RFC3: variants seen among roughly 807,000 people sequenced by gnomAD.
RFC3 encodes the protein A1 38 kDa subunit.
In RFC3, 41 loss-of-function variants were observed where a neutral mutation model predicts 45.1. The observed-to-expected ratio is 0.91, with a 90% CI of 0.71 to 1.18. RFC3 has a LOEUF of 1.18. Ranked by LOEUF, RFC3 falls within the 50% of genes most tolerant of loss-of-function variation. The pLI is 0.00. For synonymous variants in RFC3, 149 were observed against 144.0 expected (o/e 1.03, Z -0.25); for missense variants, 423 against 428.1 (o/e 0.99, Z 0.10).
At chr13:33,867,161 A>G (rs1214219313) in intron 8 of RFC3, among the ~76,000 whole-genome samples, 1 of 152,238 alleles carries the variant, frequency 6.6e-6, no homozygotes, top group Non-Finnish European at 1.5e-5. Context: ...AGTTAGCTTT[A>G]TAGAATAGTG....
At chr13:33,950,541 A>G (rs923500324) in intron 8 of RFC3, among the ~76,000 whole-genome samples, 2 of 152,216 alleles carry the variant, frequency 1.3e-5, no homozygotes, top group African/African-American at 4.8e-5. Context: ...CAAAATTTCT[A>G]AGTTTCTAAC....
At chr13:33,875,628 C>T (rs1403043029) in intron 8 of RFC3, among the ~76,000 whole-genome samples, 5 of 152,158 alleles carry the variant, frequency 3.3e-5, no homozygotes, top group Non-Finnish European at 5.9e-5. Flanking sequence ...CACTTGCCTA[C>T]TTGAAAGGTC....
chr13:33,945,424 G>A (rs1232274829), intron 8 of RFC3, among the ~76,000 whole-genome samples: 1 of 152,114 alleles, frequency 6.6e-6, no homozygotes, highest in African/African-American at 2.4e-5. Context: ...AAACACAATA[G>A]TAACAAACTT....
intron 8 of RFC3, among the ~76,000 whole-genome samples, chr13:33,913,843 C>T (rs751400112): frequency 1.1e-4 from 17 of 152,080 alleles, no homozygotes; most frequent in Non-Finnish European, 1.6e-4. Context: ...GACAGCCACA[C>T]CCATTCACAT....
intron 8 of RFC3, among the ~76,000 whole-genome samples, chr13:33,927,879 A>G (rs1327373219): frequency 1.3e-5 from 2 of 152,092 alleles, no homozygotes; most frequent in Admixed American, 6.6e-5. Flanking sequence ...GGAGTTTCAG[A>G]TGAGAAAGAC....
At chr13:33,932,551 C>T (rs2082859360) in intron 8 of RFC3, among the ~76,000 whole-genome samples, 1 of 151,934 alleles carries the variant, frequency 6.6e-6, no homozygotes, top group Non-Finnish European at 1.5e-5. Context: ...TGCTTTTTAT[C>T]AGCAATATGA....
At position 33,914,429 on chromosome 13, in the gene RFC3, CCAA is replaced by C. The variant is rs1172239934; in HGVS notation, c.880-51657_880-51655del. 3.2e-4 allele frequency among the ~76,000 whole-genome samples: 49 copies of C among 152,194 alleles called. 1 individual carries two copies. Among genetic ancestry groups the C allele is most frequent in the Admixed American group, 2.6e-4 (4 of 15,274 alleles). ...TTCCTCCACTTTGCTCCTAAAAAGT[CCAA>C]ACTACCAGAAAAATGTAGAAGTGGG... On this transcript the variant is annotated intron_variant, in intron 8 of 8. Coordinates refer to the RFC3 transcript ENST00000434425.
chr13:33,836,193 G>A lies in RFC3; in HGVS notation c.969G>A (p.Gln323=). Residue 323 remains glutamine (Q), a synonymous_variant, in exon 9 of 9, where the codon CAG becomes CAA. Coordinates refer to ENST00000380071, the MANE Select transcript of RFC3 (RefSeq NM_002915.4). ...QMAAYYEHRL[Q]LGSKAIYHLE... ...CAGCTTACTATGAGCATCGTCTACA[G>A]CTGGGTAGCAAAGCCATTTATCACT... 1 of 1,613,556 alleles carries A rather than the reference G, an allele frequency of 6.2e-7. No homozygotes were observed. The highest frequency in any genetic ancestry group is 8.5e-7 in the Non-Finnish European group (1 of 1,179,574).
chr13:33,909,645 A>G (rs2082692565), intron 8 of RFC3, among the ~76,000 whole-genome samples: 1 of 151,974 alleles, frequency 6.6e-6, no homozygotes, highest in Admixed American at 6.6e-5. Flanking sequence ...AACTTAATAA[A>G]TAGGTTGCCC....
At chr13:33,834,580 A>T (rs1221422728) in intron 7 of RFC3, among the ~76,000 whole-genome samples, 1 of 151,834 alleles carries the variant, frequency 6.6e-6, no homozygotes, top group Non-Finnish European at 1.5e-5. Context: ...ACAGCTCTGT[A>T]TCCCTGCCAC....
chr13:33,909,696 T>C (rs1363671944), intron 8 of RFC3, among the ~76,000 whole-genome samples: 1 of 152,106 alleles, frequency 6.6e-6, no homozygotes, highest in African/African-American at 2.4e-5. Flanking sequence ...AGGCGTCATC[T>C]CCCTGTGATG....
At chr13:33,834,230 C>T (rs534465366) in intron 7 of RFC3, among the ~76,000 whole-genome samples, 4 of 144,240 alleles carry the variant, frequency 2.8e-5, no homozygotes, top group African/African-American at 1.1e-4. Flanking sequence ...GGATTGACTT[C>T]TGCTTTTTAA....
chr13:33,884,359 A>G (rs2082506038), intron 8 of RFC3, among the ~76,000 whole-genome samples: 1 of 152,198 alleles, frequency 6.6e-6, no homozygotes, highest in Non-Finnish European at 1.5e-5. Context: ...GGTCAGGTAA[A>G]CATTTAGCCA....
At chr13:33,890,935 G>A (rs985670448) in intron 8 of RFC3, among the ~76,000 whole-genome samples, 1 of 152,118 alleles carries the variant, frequency 6.6e-6, no homozygotes, top group Admixed American at 6.6e-5. Flanking sequence ...ACATGCAAAT[G>A]TCATAGCTAG....
At chr13:33,967,842 A>C (rs2083095383), downstream of RFC3, among the ~76,000 whole-genome samples, 1 of 152,064 alleles carries the variant, frequency 6.6e-6, no homozygotes, top group Non-Finnish European at 1.5e-5. Context: ...TTATTTGACC[A>C]CTAACCTTAT....
chr13:33,934,007 GA>G (rs1247281877), intron 8 of RFC3, among the ~76,000 whole-genome samples: 8 of 151,332 alleles, frequency 5.3e-5, no homozygotes, highest in African/African-American at 1.5e-4. Flanking sequence ...AGGTGGTGGG[GA>G]AAAAAAGGGA....
intron 3 of RFC3, among the ~76,000 whole-genome samples, chr13:33,824,631 G>GACATAGTTGTGTCAGTGACATAGA (rs2082032927): frequency 6.6e-6 from 1 of 152,046 alleles, no homozygotes; most frequent in Non-Finnish European, 1.5e-5. Context: ...TATTCAACAT[G>GACATAGTTGTGTCAGTGACATAGA]GGCAGTGACA....
At chr13:33,870,672 A>T (rs1321991957) in intron 8 of RFC3, among the ~76,000 whole-genome samples, 1 of 152,224 alleles carries the variant, frequency 6.6e-6, no homozygotes, top group African/African-American at 2.4e-5. Flanking sequence ...CAGCCGGCCC[A>T]TATGTCTGGC....
intron 8 of RFC3, among the ~76,000 whole-genome samples, chr13:33,923,750 A>G (rs1452912787): frequency 1.3e-5 from 2 of 152,118 alleles, no homozygotes; most frequent in African/African-American, 2.4e-5. Context: ...CCTAGTTGGT[A>G]TTCACATCCT....
Sources: gnomAD v4.1 joint callset for allele counts (sites outside exome capture counted in the v4.1 genomes callset) on GRCh38, gnomAD v4.1.1 for gene constraint, MANE v1.5 for transcripts, NCBI Gene and HGNC (gene_info 2026-07-23, HGNC 2026-07-21) for gene names.